Variants in HIVEP3 observed in about 807,000 individuals in gnomAD.
HIVEP3 encodes transcription factor HIVEP3.
A neutral mutation model predicts 152.8 loss-of-function variants in HIVEP3; 49 were observed. That is an observed-to-expected ratio of 0.32 (90% CI 0.26 to 0.41). The LOEUF is 0.41. Among genes scored for constraint, HIVEP3 ranks in the 10% least tolerant of loss-of-function variants. The pLI, the probability that HIVEP3 is intolerant of heterozygous loss-of-function variation, is 1.00. For missense variants in HIVEP3, 2,790 were observed against 3,103.3 expected (o/e 0.90, Z 2.40); for synonymous variants, 1,269 against 1,289.0 (o/e 0.98, Z 0.33).
rs1169934937 is a variant in HIVEP3, at chr1:41,715,082, T to C, written c.-800-14087A>G. Among the ~76,000 whole-genome samples the C allele has an allele frequency of 2.0e-5, 3 of 152,100 alleles. No homozygotes were observed. The East Asian group carries it at 5.8e-4, about 29-fold the overall frequency. On this transcript the variant is annotated intron_variant, in intron 1 of 8. Coordinates refer to ENST00000372583, the MANE Select transcript of HIVEP3 (RefSeq NM_024503.5). Reference sequence around the variant, plus strand: ...AAGGCTCTCAGCTCCCTAACTGCTGTCCCCTCCTGGCAGCCCCCCACTGCC... The same window carrying C: ...AAGGCTCTCAGCTCCCTAACTGCTGCCCCCTCCTGGCAGCCCCCCACTGCC...
In HIVEP3 at chr1:41,583,798, A is replaced by G. The variant is rs200099470; in HGVS notation, c.1000T>C (p.Ser334Pro). The change falls in exon 4 of 9, where the codon TCA becomes CCA. Residue 334 changes from serine to proline, a missense_variant. Around this residue, in one of 9 missense-constraint regions of HIVEP3, gnomAD observed 125 missense variants for 130.1 expected, o/e 0.96. Transcript: ENST00000372583. This position sits in a 1 kb window ranked among gnomAD's most constrained non-coding sequence, Gnocchi z 6.9. The part of the protein sequence containing the change: ...CSLSQSSTAQ[S>P]LEDPPPFVEP... ...ACAAATGGAGGGGGGTCTTCGAGTGACTGGGCTGTGCTGGACTGGGACAGG... is the reference window on the plus strand; with the variant it reads ...ACAAATGGAGGGGGGTCTTCGAGTGGCTGGGCTGTGCTGGACTGGGACAGG... 187 of 1,594,144 alleles carry G rather than the reference A, an allele frequency of 1.2e-4. No individual in the cohort carries two copies. Among genetic ancestry groups the G allele is most frequent in the Middle Eastern group, 3.4e-4 (2 of 5,946 alleles).
chr1:41,690,637 G>C (rs1646183487), intron 2 of HIVEP3, among the ~76,000 whole-genome samples: 1 of 152,158 alleles, frequency 6.6e-6, no homozygotes, highest in Non-Finnish European at 1.5e-5. Flanking sequence ...ATGGATTCTG[G>C]CCCGGCACGG....
chr1:41,600,012 G>A (rs190309396), intron 3 of HIVEP3, among the ~76,000 whole-genome samples: 2 of 152,084 alleles, frequency 1.3e-5, no homozygotes, highest in Admixed American at 1.3e-4. Flanking sequence ...TCAAAACCAC[G>A]AAGATACCAC....
chr1:41,852,872 A>T (rs1185715490), intron 1 of HIVEP3, among the ~76,000 whole-genome samples: 1 of 152,214 alleles, frequency 6.6e-6, no homozygotes, highest in Non-Finnish European at 1.5e-5. Context: ...GCAACTGGCT[A>T]CTAACTACTT....
At chr1:41,617,186 TAA>T (rs1644981887) in intron 3 of HIVEP3, among the ~76,000 whole-genome samples, 1 of 152,182 alleles carries the variant, frequency 6.6e-6, no homozygotes, top group Admixed American at 6.5e-5. Flanking sequence ...ATATTTTTTG[TAA>T]GTTTTCCTAC....
At chr1:41,885,529 G>A (rs1644330900) in intron 1 of HIVEP3, among the ~76,000 whole-genome samples, 1 of 152,196 alleles carries the variant, frequency 6.6e-6, no homozygotes, top group Admixed American at 6.5e-5. Context: ...AACTGGGCAT[G>A]GTGGTGCATG....
At chr1:41,792,154 A>G (rs1649736755) in intron 1 of HIVEP3, among the ~76,000 whole-genome samples, 1 of 152,148 alleles carries the variant, frequency 6.6e-6, no homozygotes. Context: ...GGCAAGAGCT[A>G]TTTCAATCAT....
intron 1 of HIVEP3, among the ~76,000 whole-genome samples, chr1:42,009,224 A>G (rs1645479560): frequency 6.6e-6 from 1 of 152,094 alleles, no homozygotes; most frequent in South Asian, 2.1e-4. Context: ...ACTGGTATCT[A>G]TTGTATCGAT....
chr1:41,785,548 G>T (rs1177698847), intron 1 of HIVEP3, among the ~76,000 whole-genome samples: 1 of 152,084 alleles, frequency 6.6e-6, no homozygotes, highest in East Asian at 1.9e-4. Context: ...CTATAAAATG[G>T]AATATTGAGA....
At chr1:41,872,519 T>C (rs1644100612) in intron 1 of HIVEP3, among the ~76,000 whole-genome samples, 1 of 152,192 alleles carries the variant, frequency 6.6e-6, no homozygotes, top group Admixed American at 6.5e-5. Context: ...CAGTTTGCTT[T>C]AACACACTCT....
At chr1:41,586,216 GCCT>G (rs1324405476) in intron 3 of HIVEP3, among the ~76,000 whole-genome samples, 1 of 152,176 alleles carries the variant, frequency 6.6e-6, no homozygotes, top group East Asian at 1.9e-4. Context: ...CCAAGTGTGT[GCCT>G]CCTCCTAGGG....
chr1:42,002,539 TC>T (rs1026143369), intron 1 of HIVEP3, among the ~76,000 whole-genome samples: 2 of 152,210 alleles, frequency 1.3e-5, no homozygotes, highest in Non-Finnish European at 2.9e-5. Flanking sequence ...GTAGTAGGGT[TC>T]CCCATGAACA....
At chr1:41,624,496 G>A (rs1270930314) in intron 3 of HIVEP3, among the ~76,000 whole-genome samples, 4 of 152,158 alleles carry the variant, frequency 2.6e-5, no homozygotes, top group South Asian at 2.1e-4. Flanking sequence ...GACCTTCACC[G>A]TTGAAATGTA....
intron 2 of HIVEP3, among the ~76,000 whole-genome samples, chr1:41,647,984 C>A (rs1645486634): frequency 6.6e-6 from 1 of 152,208 alleles, no homozygotes; most frequent in Non-Finnish European, 1.5e-5. Context: ...TACTGGTGAG[C>A]CTTGCCAGCC....
At chr1:41,653,399 A>G (rs1645580995) in intron 2 of HIVEP3, among the ~76,000 whole-genome samples, 2 of 152,166 alleles carry the variant, frequency 1.3e-5, no homozygotes, top group Admixed American at 1.3e-4. Flanking sequence ...TTAAAGACTG[A>G]GAACTCCTGC....
chr1:41,930,105 G>A (rs190721962), intron 1 of HIVEP3, among the ~76,000 whole-genome samples: 5 of 152,166 alleles, frequency 3.3e-5, no homozygotes, highest in Admixed American at 2.6e-4. Context: ...AGATTCATTT[G>A]TCATATTCTG....
chr1:41,944,042 C>T (rs1645061752), intron 1 of HIVEP3, among the ~76,000 whole-genome samples: 2 of 152,106 alleles, frequency 1.3e-5, no homozygotes, highest in Non-Finnish European at 2.9e-5. Context: ...CTGAATGATT[C>T]CACTTATATG....
At chr1:41,891,980 T>A (rs1239039587) in intron 1 of HIVEP3, among the ~76,000 whole-genome samples, 1 of 152,134 alleles carries the variant, frequency 6.6e-6, no homozygotes, top group African/African-American at 2.4e-5. Context: ...CTATCAGATA[T>A]CAACACTCAT....
chr1:41,621,897 C>G (rs1645052744), intron 3 of HIVEP3, among the ~76,000 whole-genome samples: 1 of 152,234 alleles, frequency 6.6e-6, no homozygotes, highest in East Asian at 1.9e-4. Flanking sequence ...CTTTCCCACC[C>G]TGCAACATCC....
Sources: gnomAD v4.1 joint callset for allele counts (sites outside exome capture counted in the v4.1 genomes callset) on GRCh38, gnomAD v4.1.1 for gene constraint, gnomAD v4.1.1 regional missense constraint, Gnocchi (gnomAD v3.1) non-coding constraint, MANE v1.5 for transcripts, NCBI Gene and HGNC (gene_info 2026-07-23, HGNC 2026-07-21) for gene names.